Variants in RAPGEF6 observed in about 807,000 individuals in gnomAD.
RAPGEF6 encodes the protein Rap guanine nucleotide exchange factor 6.
A neutral mutation model predicts 171.4 loss-of-function variants in RAPGEF6; 56 were observed. That is an observed-to-expected ratio of 0.33 (90% CI 0.26 to 0.41). The LOEUF (loss-of-function observed/expected upper bound fraction) is 0.41, where lower values mean the gene tolerates loss of function less well. Among genes scored for constraint, RAPGEF6 ranks in the 10% least tolerant of loss-of-function variants. The pLI is 1.00. For missense variants in RAPGEF6, 1,674 were observed against 1,921.4 expected (o/e 0.87, Z 2.41); for synonymous variants, 692 against 650.1 (o/e 1.06, Z -0.98).
intron 4 of RAPGEF6, among the ~76,000 whole-genome samples, chr5:131,571,778 C>T (rs754901773): frequency 6.6e-6 from 1 of 152,094 alleles, no homozygotes; most frequent in Non-Finnish European, 1.5e-5. Flanking sequence ...ACAATTTTTA[C>T]GAAGTTGGAG....
At chr5:131,452,312 G>C (rs972865320) in intron 21 of RAPGEF6, among the ~76,000 whole-genome samples, 1 of 151,620 alleles carries the variant, frequency 6.6e-6, no homozygotes, top group Non-Finnish European at 1.5e-5. Context: ...CATTAAAAAT[G>C]AACCTTAAAA....
chr5:131,597,873 C>T (rs569463848), intron 3 of RAPGEF6, among the ~76,000 whole-genome samples: 2 of 152,102 alleles, frequency 1.3e-5, no homozygotes, highest in Non-Finnish European at 2.9e-5. Context: ...ATGTTTTCAC[C>T]ACCAAAAAAT....
At chr5:131,468,553 G>C (rs1300057585) in intron 17 of RAPGEF6, among the ~76,000 whole-genome samples, 1 of 97,768 alleles carries the variant, frequency 1.0e-5, no homozygotes, top group Non-Finnish European at 2.2e-5. Flanking sequence ...ACTAAAAATG[G>C]GAGAACTTTT....
chr5:131,624,888 C>T (rs539463225), intron 1 of RAPGEF6, among the ~76,000 whole-genome samples: 5 of 152,158 alleles, frequency 3.3e-5, no homozygotes, highest in Non-Finnish European at 5.9e-5. Context: ...TTTGGGAGGT[C>T]GAGGCGGGCA....
chr5:131,472,649 G>C lies in RAPGEF6; in HGVS notation c.2177C>G (p.Ser726Ter), dbSNP rs1441630492. Residue 726 changes from serine to a stop codon, truncating the protein, a stop_gained, in exon 17 of 28, where the codon TCA becomes TGA. Coordinates refer to ENST00000509018, the MANE Select transcript of RAPGEF6 (RefSeq NM_016340.6). LOFTEE classifies it high-confidence loss of function. ...LAIMPIPGTL[S>*]SSSPDLLQPT... ...CTGCAGGAGATCAGGGCTGCTGGAT[G>C]AGAGTGTTCCAGGGATGGGCATTAT... 1 of 1,613,960 alleles carries C rather than the reference G, an allele frequency of 6.2e-7. No individual in the cohort carries two copies. Among genetic ancestry groups the C allele is most frequent in the Non-Finnish European group, 8.5e-7 (1 of 1,179,802 alleles).
intron 4 of RAPGEF6, among the ~76,000 whole-genome samples, chr5:131,584,428 G>A (rs902785914): frequency 1.3e-5 from 2 of 152,112 alleles, no homozygotes; most frequent in Non-Finnish European, 2.9e-5. Flanking sequence ...CCTTGGCCCC[G>A]GCCACCCTAA....
At position 131,592,402 on chromosome 5, in the gene RAPGEF6, T is replaced by C. The variant is rs1763646380; in HGVS notation, c.262A>G (p.Met88Val). 5 of 1,613,800 alleles carry C rather than the reference T, an allele frequency of 3.1e-6. No individual in the cohort carries two copies. Among genetic ancestry groups the C allele is most frequent in the Non-Finnish European group, 4.2e-6 (5 of 1,179,790 alleles). ...LSGSVLVKGS[M>V]VLPPCSFGKQ... ...ACGTACCTGCAAGGAGGCAAGACCA[T>C]GGAGCCTTTCACAAGCACAGATCCA... Residue 88 changes from methionine (M) to valine (V), a missense_variant, in exon 4 of 28, where the codon ATG (methionine) becomes GTG (valine). Transcript: ENST00000509018.
In RAPGEF6 at chr5:131,592,311, A is replaced by ATCCTATAC. The variant is rs1444563764; in HGVS notation, c.281+71_281+72insGTATAGGA. On this transcript the variant is annotated intron_variant, in intron 4 of 27. Coordinates refer to ENST00000509018, the MANE Select transcript of RAPGEF6 (RefSeq NM_016340.6). ...CATTTAAAAGATGTATCACTTACTG[A>ATCCTATAC]AAGAAAATATACATCCTATACAAAA... 7,580 of 1,560,624 alleles carry ATCCTATAC rather than the reference A, an allele frequency of 4.9e-3. 34 individuals are homozygous for ATCCTATAC. Among genetic ancestry groups the ATCCTATAC allele is most frequent in the Non-Finnish European group, 5.1e-3 (5,835 of 1,154,208 alleles).
intron 20 of RAPGEF6, among the ~76,000 whole-genome samples, chr5:131,455,502 C>T (rs1306579478): frequency 1.3e-5 from 2 of 152,240 alleles, no homozygotes; most frequent in African/African-American, 2.4e-5. Context: ...TCATGATCCA[C>T]CTGCCTAGGC....
intron 4 of RAPGEF6, among the ~76,000 whole-genome samples, chr5:131,573,764 G>T (rs1762444322): frequency 6.6e-6 from 1 of 152,098 alleles, no homozygotes; most frequent in African/African-American, 2.4e-5. Context: ...CCACGGTAAA[G>T]ATGAAAACCC....
At chr5:131,440,329 C>G (rs1175991393) in intron 23 of RAPGEF6, 2 of 435,722 alleles carry the variant, frequency 4.6e-6, no homozygotes, top group African/African-American at 4.1e-5. Flanking sequence ...TTACCCTTGT[C>G]CAATGTCTGG....
intron 4 of RAPGEF6, among the ~76,000 whole-genome samples, chr5:131,562,991 A>G (rs1037796580): frequency 6.6e-6 from 1 of 152,170 alleles, no homozygotes; most frequent in Non-Finnish European, 1.5e-5. Context: ...TTCTCAGCAT[A>G]TCAAAAAGAA....
At chr5:131,465,022 A>T (rs573683447) in intron 17 of RAPGEF6, among the ~76,000 whole-genome samples, 81 of 152,178 alleles carry the variant, frequency 5.3e-4, no homozygotes, top group African/African-American at 1.7e-3. Flanking sequence ...TACTGGTAAG[A>T]CTCAGTAACT....
At chr5:131,562,567 A>C (rs1219407879) in intron 4 of RAPGEF6, among the ~76,000 whole-genome samples, 1 of 152,222 alleles carries the variant, frequency 6.6e-6, no homozygotes, top group Non-Finnish European at 1.5e-5. Flanking sequence ...GGATACAAAA[A>C]TCTACCAGTG....
intron 27 of RAPGEF6, 61 bp from the exon 28 acceptor site, chr5:131,427,352 C>T: frequency 7.3e-7 from 1 of 1,364,502 alleles, no homozygotes; most frequent in Non-Finnish European, 1.0e-6. Context: ...TCCTAATAAT[C>T]TAGTTATCTA....
chr5:131,440,643 C>A (rs1349448582), intron 23 of RAPGEF6, among the ~76,000 whole-genome samples: 2 of 144,042 alleles, frequency 1.4e-5, no homozygotes, highest in Non-Finnish European at 3.0e-5. Context: ...GAGGCTGAGG[C>A]ATAAGAATTG....
At position 131,458,862 on chromosome 5, in the gene RAPGEF6, G is replaced by A. The variant is rs545125217; in HGVS notation, c.2864+2843C>T. Among the ~76,000 whole-genome samples the A allele has an allele frequency of 4.6e-5, 7 of 152,252 alleles. No homozygotes were observed. The South Asian group carries it at 1.5e-3, about 32-fold the overall frequency. ...GTAGAGATGGGGTTTCACCATGTTG[G>A]TCAGGCTGGTCTAGAACTCCTGAAC... On this transcript the variant is annotated intron_variant, in intron 19 of 27. Coordinates refer to ENST00000509018, the MANE Select transcript of RAPGEF6 (RefSeq NM_016340.6).
chr5:131,631,626 T>G (rs896255432), intron 1 of RAPGEF6, among the ~76,000 whole-genome samples: 8 of 152,208 alleles, frequency 5.3e-5, no homozygotes, highest in African/African-American at 1.2e-4. Flanking sequence ...ACCTACAGTC[T>G]ATTCTCAACA....
chr5:131,560,603 C>T (rs565166293), intron 5 of RAPGEF6, among the ~76,000 whole-genome samples: 42 of 152,254 alleles, frequency 2.8e-4, no homozygotes, highest in African/African-American at 1.0e-3. Context: ...AATTCTGAGG[C>T]TCTAATAGGA....
Sources: allele counts gnomAD v4.1 joint callset (sites outside exome capture counted in the v4.1 genomes callset), GRCh38; gene constraint gnomAD v4.1.1; transcripts MANE v1.5; gene names NCBI Gene and HGNC (gene_info 2026-07-23, HGNC 2026-07-21).